Variants in SLC39A11 observed in about 807,000 individuals in gnomAD.
SLC39A11 encodes zinc transporter ZIP11.
SLC39A11 carries 33 observed loss-of-function variants against 36.1 expected under a neutral mutation model. The ratio of observed to expected loss-of-function variants is 0.91; its 90% confidence interval spans 0.69 to 1.22. The LOEUF is 1.22. SLC39A11 is among the 50% of genes most tolerant of loss of function. The probability of loss-of-function intolerance (pLI) is 0.00; values close to 1 mark genes in which losing one functional copy is unlikely to be tolerated. For missense variants in SLC39A11, 432 were observed against 430.3 expected (o/e 1.00, Z -0.03); for synonymous variants, 166 against 170.3 (o/e 0.97, Z 0.20).
chr17:72,961,298 T>A (rs2086593307), intron 4 of SLC39A11, among the ~76,000 whole-genome samples: 1 of 152,192 alleles, frequency 6.6e-6, no homozygotes, highest in South Asian at 2.1e-4. Context: ...GGTGGGATTG[T>A]AAATTAGTTC....
At chr17:72,982,877 A>G (rs1214773034) in intron 4 of SLC39A11, among the ~76,000 whole-genome samples, 3 of 152,214 alleles carry the variant, frequency 2.0e-5, no homozygotes, top group Non-Finnish European at 4.4e-5. Flanking sequence ...CTCAGGTTGC[A>G]CTGACGACAG....
chr17:72,896,211 T>A (rs2146821406), intron 5 of SLC39A11, among the ~76,000 whole-genome samples: 1 of 137,910 alleles, frequency 7.3e-6, no homozygotes, highest in South Asian at 2.5e-4. Flanking sequence ...TTTTTTTTTT[T>A]TTTTTTTTGA....
intron 4 of SLC39A11, among the ~76,000 whole-genome samples, chr17:72,984,860 A>G (rs1276498294): frequency 1.3e-5 from 2 of 152,274 alleles, no homozygotes; most frequent in African/African-American, 2.4e-5. Context: ...TATCTGAAAC[A>G]TAACAATATC....
chr17:73,047,260 G>A (rs1018323533), intron 3 of SLC39A11, among the ~76,000 whole-genome samples: 11 of 151,718 alleles, frequency 7.3e-5, no homozygotes, highest in South Asian at 2.1e-4. Flanking sequence ...TCCTGACCTC[G>A]TGATCCGCCC....
chr17:72,888,513 C>T (rs34035852), intron 5 of SLC39A11, among the ~76,000 whole-genome samples: 52,327 of 152,038 alleles, frequency 0.34, 9,431 homozygotes, highest in East Asian at 0.69. Flanking sequence ...TAAATAGAGA[C>T]GCTTCTAAAC....
At chr17:72,779,771 A>C (rs2076248581) in intron 6 of SLC39A11, among the ~76,000 whole-genome samples, 1 of 152,246 alleles carries the variant, frequency 6.6e-6, no homozygotes, top group South Asian at 2.1e-4. Context: ...CTGCACCTAC[A>C]TCTGTGGAGA....
intron 7 of SLC39A11, among the ~76,000 whole-genome samples, chr17:72,689,078 T>A (rs1007208218): frequency 6.6e-6 from 1 of 152,154 alleles, no homozygotes; most frequent in Admixed American, 6.5e-5. Flanking sequence ...TCCTGTGCCA[T>A]GGACCCCTCC....
chr17:72,858,627 A>G (rs543181705), intron 5 of SLC39A11, among the ~76,000 whole-genome samples: 1 of 152,158 alleles, frequency 6.6e-6, no homozygotes, highest in African/African-American at 2.4e-5. Context: ...ATGTTTTTCC[A>G]TTTGTTTGTA....
intron 6 of SLC39A11, among the ~76,000 whole-genome samples, chr17:72,826,797 A>G (rs114810332): frequency 0.016 from 2,502 of 152,282 alleles, 77 homozygotes; most frequent in African/African-American, 0.056. Flanking sequence ...AACCACAAAG[A>G]ACTACCACTT....
intron 7 of SLC39A11, among the ~76,000 whole-genome samples, chr17:72,702,939 C>CAAAAA (rs57566412): frequency 5.8e-5 from 5 of 86,846 alleles, no homozygotes; most frequent in Non-Finnish European, 8.3e-5. Context: ...TCCATCTCAC[C>CAAAAA]AAAAAAAAAA....
intron 5 of SLC39A11, among the ~76,000 whole-genome samples, chr17:72,898,422 C>A (rs986633854): frequency 6.6e-6 from 1 of 152,154 alleles, no homozygotes; most frequent in African/African-American, 2.4e-5. Flanking sequence ...TTAGAACAGC[C>A]CCCAGCTGGT....
chr17:72,772,281 A>T (rs1025279652), intron 6 of SLC39A11, among the ~76,000 whole-genome samples: 1 of 152,194 alleles, frequency 6.6e-6, no homozygotes, highest in Admixed American at 6.5e-5. Flanking sequence ...CACTGCTGGC[A>T]CGTCCAACCT....
At chr17:72,955,109 C>G (rs910296021) in intron 4 of SLC39A11, among the ~76,000 whole-genome samples, 1 of 152,090 alleles carries the variant, frequency 6.6e-6, no homozygotes, top group Non-Finnish European at 1.5e-5. Context: ...TATATCCAAT[C>G]AGTGGACAGC....
chr17:72,818,294 T>TGA (rs2077649943), intron 6 of SLC39A11, among the ~76,000 whole-genome samples: 1 of 152,234 alleles, frequency 6.6e-6, no homozygotes, highest in Non-Finnish European at 1.5e-5. Flanking sequence ...TCCAGCCTGC[T>TGA]GAGGTTCTTG....
chr17:72,669,067 T>A lies in SLC39A11; in HGVS notation c.672-19799A>T, dbSNP rs893572794. Among the ~76,000 whole-genome samples, 3 of 152,144 alleles carry A rather than the reference T, an allele frequency of 2.0e-5. No individual in the cohort carries two copies. In the South Asian group the frequency reaches 6.2e-4, roughly 32 times the overall value. On this transcript the variant is annotated intron_variant, in intron 7 of 9. Coordinates refer to ENST00000255559, the MANE Select transcript of SLC39A11 (RefSeq NM_139177.4). Reference sequence around the variant, plus strand: ...GAATGTTAAGAAAACCTGAACAGGGTCAGTATATTCGATAATTTTATTATA... The same window carrying A: ...GAATGTTAAGAAAACCTGAACAGGGACAGTATATTCGATAATTTTATTATA...
At chr17:72,994,060 A>G (rs981988249) in intron 4 of SLC39A11, among the ~76,000 whole-genome samples, 1 of 152,130 alleles carries the variant, frequency 6.6e-6, no homozygotes, top group Non-Finnish European at 1.5e-5. Flanking sequence ...GTTTCACCCA[A>G]GTTTCACCCG....
chr17:72,769,607 C>G (rs962886542), intron 6 of SLC39A11, among the ~76,000 whole-genome samples: 1 of 151,596 alleles, frequency 6.6e-6, no homozygotes, highest in Non-Finnish European at 1.5e-5. Context: ...TGGAGTGGCC[C>G]GATCTCGGCT....
At chr17:72,716,811 AT>A (rs1388344402) in intron 7 of SLC39A11, among the ~76,000 whole-genome samples, 34 of 152,028 alleles carry the variant, frequency 2.2e-4, no homozygotes, top group African/African-American at 7.2e-4. Context: ...TCTACAAAAA[AT>A]ACAAAAATTA....
chr17:72,856,460 A>G (rs1039735544), intron 5 of SLC39A11, among the ~76,000 whole-genome samples: 1 of 152,322 alleles, frequency 6.6e-6, no homozygotes, highest in African/African-American at 2.4e-5. Flanking sequence ...AGGTTTGTCA[A>G]TGAGACCTAG....
Sources: gnomAD v4.1 joint callset for allele counts (sites outside exome capture counted in the v4.1 genomes callset) on GRCh38, gnomAD v4.1.1 for gene constraint, MANE v1.5 for transcripts, NCBI Gene and HGNC (gene_info 2026-07-23, HGNC 2026-07-21) for gene names.